Variants in SYCP1 observed in about 807,000 individuals in gnomAD.
SYCP1 encodes cancer/testis antigen 8.
SYCP1 carries 64 observed loss-of-function variants against 153.1 expected under a neutral mutation model. The ratio of observed to expected loss-of-function variants is 0.42; its 90% CI spans 0.34 to 0.51. The LOEUF (loss-of-function observed/expected upper bound fraction) is 0.51. SYCP1 is among the 20% of genes least tolerant of loss of function. The pLI is 0.06. For missense variants in SYCP1, 997 were observed against 1,049.0 expected (o/e 0.95, Z 0.68); for synonymous variants, 384 against 341.8 (o/e 1.12, Z -1.36).
intron 20 of SYCP1, among the ~76,000 whole-genome samples, chr1:114,917,726 A>G (rs1011377361): frequency 6.6e-6 from 1 of 152,164 alleles, no homozygotes; most frequent in African/African-American, 2.4e-5. Context: ...CATTTCTCTG[A>G]TGATCAATGA....
At chr1:114,900,241 C>G (rs1247273767) in intron 16 of SYCP1, among the ~76,000 whole-genome samples, 5 of 152,068 alleles carry the variant, frequency 3.3e-5, no homozygotes, top group African/African-American at 1.2e-4. Flanking sequence ...TGAAACAATT[C>G]TTTAACCTTA....
intron 23 of SYCP1, among the ~76,000 whole-genome samples, chr1:114,928,722 G>T (rs898475168): frequency 3.9e-5 from 6 of 152,138 alleles, no homozygotes; most frequent in African/African-American, 1.4e-4. Context: ...TAACTATTTT[G>T]TTGTAGCATT....
intron 28 of SYCP1, 72 bp downstream of exon 28, chr1:114,977,688 TGTTTATAA>T (rs915773036): frequency 9.2e-6 from 9 of 980,194 alleles, no homozygotes; most frequent in Non-Finnish European, 1.3e-5. Flanking sequence ...AATGATTTTT[TGTTTATAA>T]GTAGGAAAAT....
chr1:114,962,730 GA>G (rs1416756577), intron 27 of SYCP1, among the ~76,000 whole-genome samples: 1 of 151,928 alleles, frequency 6.6e-6, no homozygotes, highest in African/African-American at 2.4e-5. Context: ...TGAATACCTT[GA>G]TTTTTTTTCA....
intron 27 of SYCP1, among the ~76,000 whole-genome samples, chr1:114,956,842 A>G (rs1671467508): frequency 6.7e-6 from 1 of 148,870 alleles, no homozygotes; most frequent in African/African-American, 2.5e-5. Flanking sequence ...TAGAATCACT[A>G]GAATCACTGA....
At chr1:114,901,988 G>A (rs1667478942) in intron 16 of SYCP1, among the ~76,000 whole-genome samples, 1 of 152,128 alleles carries the variant, frequency 6.6e-6, no homozygotes, top group Admixed American at 6.5e-5. Context: ...AAGCATAATT[G>A]CTGTGGGATG....
chr1:114,878,318 C>T (rs953808678), intron 12 of SYCP1, 116 bp downstream of exon 12: 16 of 702,222 alleles, frequency 2.3e-5, no homozygotes, highest in African/African-American at 3.7e-5. Context: ...ACTTCTCAAT[C>T]TGAGTTGGTT....
chr1:114,881,829 A>G (rs371446863), intron 12 of SYCP1, among the ~76,000 whole-genome samples: 4 of 152,114 alleles, frequency 2.6e-5, no homozygotes, highest in African/African-American at 7.2e-5. Flanking sequence ...GAAGTCAGTA[A>G]TATCTTTTCC....
intron 27 of SYCP1, among the ~76,000 whole-genome samples, chr1:114,949,223 G>A (rs1670937867): frequency 1.3e-5 from 2 of 152,174 alleles, no homozygotes; most frequent in Admixed American, 1.3e-4. Context: ...TCAGAAAATG[G>A]TGGATAAGCC....
intron 20 of SYCP1, among the ~76,000 whole-genome samples, chr1:114,921,918 T>C (rs995706834): frequency 6.6e-6 from 1 of 152,178 alleles, no homozygotes; most frequent in Non-Finnish European, 1.5e-5. Context: ...GATATACTAT[T>C]CTAGGGTAAA....
chr1:114,883,984 C>T (rs762527780), intron 12 of SYCP1, among the ~76,000 whole-genome samples: 1 of 152,228 alleles, frequency 6.6e-6, no homozygotes, highest in Non-Finnish European at 1.5e-5. Flanking sequence ...AACCACCGGG[C>T]CTGGCCCAGA....
chr1:114,936,213 T>G (rs1039181803), intron 23 of SYCP1, among the ~76,000 whole-genome samples: 1 of 152,148 alleles, frequency 6.6e-6, no homozygotes, highest in African/African-American at 2.4e-5. Flanking sequence ...CACAATCAAG[T>G]TGGCTTCATC....
intron 5 of SYCP1, 127 bp downstream of exon 5, chr1:114,857,624 A>C: frequency 1.4e-6 from 1 of 710,678 alleles, no homozygotes; most frequent in South Asian, 4.5e-5. Flanking sequence ...ATATCCTTTA[A>C]AACCTTTTTT....
intron 17 of SYCP1, 137 bp from the exon 18 acceptor site, chr1:114,911,342 A>C: frequency 2.1e-6 from 1 of 465,286 alleles, no homozygotes. Context: ...TATTCACTTT[A>C]AATTTACTCG....
intron 25 of SYCP1, among the ~76,000 whole-genome samples, chr1:114,945,342 A>G (rs186051701): frequency 5.9e-5 from 9 of 152,202 alleles, no homozygotes; most frequent in Admixed American, 5.9e-4. Context: ...ATAATAGGCT[A>G]AATCAATTTT....
intron 28 of SYCP1, among the ~76,000 whole-genome samples, 161 bp from the exon 29 acceptor site, chr1:114,981,175 A>G (rs1673128023): frequency 6.6e-6 from 1 of 152,018 alleles, no homozygotes; most frequent in Non-Finnish European, 1.5e-5. Flanking sequence ...GACAAAGAAG[A>G]TAACTGTAAC....
At chr1:114,875,080 A>G (rs913276846) in intron 9 of SYCP1, among the ~76,000 whole-genome samples, 1 of 151,802 alleles carries the variant, frequency 6.6e-6, no homozygotes, top group Non-Finnish European at 1.5e-5. Context: ...TCCCCTTAAT[A>G]CTTTATCTAA....
chr1:114,866,889 C>G (rs1664784045), intron 8 of SYCP1, among the ~76,000 whole-genome samples: 1 of 148,618 alleles, frequency 6.7e-6, no homozygotes, highest in East Asian at 2.0e-4. Flanking sequence ...GGTGTAAGAT[C>G]TGTGTCCAGA....
chr1:114,934,556 A>G (rs756684325), intron 23 of SYCP1, among the ~76,000 whole-genome samples: 3 of 152,178 alleles, frequency 2.0e-5, no homozygotes, highest in Non-Finnish European at 4.4e-5. Context: ...TTCACACATA[A>G]CAATATTAAC....
Sources: gnomAD v4.1 joint callset for allele counts (sites outside exome capture counted in the v4.1 genomes callset) on GRCh38, gnomAD v4.1.1 for gene constraint, MANE v1.5 for transcripts, NCBI Gene and HGNC (gene_info 2026-07-23, HGNC 2026-07-21) for gene names.